Variants in TRHDE observed in about 807,000 individuals in gnomAD.
TRHDE encodes the protein thyrotropin releasing hormone degrading enzyme.
Under a neutral mutation model 125.7 loss-of-function variants are expected in TRHDE, and 72 were observed. The observed-to-expected ratio is 0.57, with a 90% confidence interval of 0.47 to 0.70. The LOEUF is 0.70. Ranked by LOEUF, TRHDE falls within the 30% of genes least tolerant of loss-of-function variation. TRHDE has a pLI of 0.00. For synonymous variants in TRHDE, 509 were observed against 509.1 expected, an observed-to-expected ratio of 1.00 and a Z score of 0.00; for missense variants, 1,110 against 1,327.1, an observed-to-expected ratio of 0.84 and a Z score of 2.54.
At position 72,355,889 on chromosome 12, in the gene TRHDE, A is replaced by T. The variant is rs1401290346; in HGVS notation, c.1189-22106A>T. Among the ~76,000 whole-genome samples the T allele has an allele frequency of 2.0e-5, 3 of 151,956 alleles. No individual in the cohort carries two copies. In the East Asian group the frequency reaches 5.8e-4, roughly 29 times the overall value. ...CCAGCCAGAATAGCTATTACTAAAA[A>T]GTCAGAAAATAACAGATGCTGGTGA... On this transcript the variant is annotated intron_variant, in intron 2 of 18. Coordinates refer to ENST00000261180, the MANE Select transcript of TRHDE (RefSeq NM_013381.3).
At chr12:72,088,393 A>G (rs1039816215) in intron 1 of TRHDE, among the ~76,000 whole-genome samples, 1 of 152,154 alleles carries the variant, frequency 6.6e-6, no homozygotes, top group African/African-American at 2.4e-5. Flanking sequence ...CAAATATTTT[A>G]GCATTAAAGT....
At chr12:72,348,579 C>T (rs1224200329) in intron 2 of TRHDE, among the ~76,000 whole-genome samples, 1 of 151,816 alleles carries the variant, frequency 6.6e-6, no homozygotes, top group African/African-American at 2.4e-5. Flanking sequence ...CTCTGTTTGC[C>T]CTACTCTTCT....
rs1872470273 is a variant in TRHDE at position 72,387,493 on chromosome 12, T to C, written c.1315+9372T>C. On this transcript the variant is annotated intron_variant, in intron 3 of 18. Coordinates refer to ENST00000261180, the MANE Select transcript of TRHDE (RefSeq NM_013381.3). ...CTTGGGGTCAAGAGTTCAACCTAAA[T>C]AAAATTTGAAGTTAAAGAGTTAATT... Among the ~76,000 whole-genome samples the C allele has an allele frequency of 5.3e-5, 8 of 152,174 alleles. No individual in the cohort carries two copies. In the South Asian group the frequency reaches 1.5e-3, roughly 28 times the overall value.
At chr12:72,549,693 G>A (rs1282780356) in intron 7 of TRHDE, among the ~76,000 whole-genome samples, 1 of 151,644 alleles carries the variant, frequency 6.6e-6, no homozygotes, top group East Asian at 1.9e-4. Flanking sequence ...AAATTAATGA[G>A]CATGTTATAG....
chr12:72,208,905 C>A (rs1193089949), intron 2 of TRHDE, among the ~76,000 whole-genome samples: 1 of 152,158 alleles, frequency 6.6e-6, no homozygotes, highest in Non-Finnish European at 1.5e-5. Context: ...TCCCACTCTT[C>A]TTAGAGTCTG....
At chr12:72,342,838 T>C (rs1565705855) in intron 2 of TRHDE, among the ~76,000 whole-genome samples, 1 of 152,158 alleles carries the variant, frequency 6.6e-6, no homozygotes, top group Non-Finnish European at 1.5e-5. Context: ...TCAGCCATTG[T>C]AGCAACTAAG....
intron 2 of TRHDE, among the ~76,000 whole-genome samples, chr12:72,345,758 C>G (rs1870300516): frequency 6.6e-6 from 1 of 151,902 alleles, no homozygotes; most frequent in Non-Finnish European, 1.5e-5. Flanking sequence ...TACTTTATCC[C>G]TTGGGGAGAC....
chr12:72,465,727 T>C (rs912667962), intron 3 of TRHDE, among the ~76,000 whole-genome samples: 1 of 152,236 alleles, frequency 6.6e-6, no homozygotes, highest in African/African-American at 2.4e-5. Flanking sequence ...TCTTAAATTA[T>C]AAACCTATCA....
chr12:72,524,829 C>T (rs572561210), intron 6 of TRHDE, among the ~76,000 whole-genome samples: 5 of 152,192 alleles, frequency 3.3e-5, no homozygotes, highest in East Asian at 1.9e-4. Context: ...GAGGAGGCCC[C>T]GCAACACTTT....
intron 15 of TRHDE, among the ~76,000 whole-genome samples, chr12:72,643,111 C>A (rs1449430877): frequency 6.6e-6 from 1 of 152,118 alleles, no homozygotes; most frequent in African/African-American, 2.4e-5. Context: ...ATTGATTCAT[C>A]TGCTGCATGG....
Position 72,452,033 on chromosome 12 carries a change from C to T in TRHDE, c.1316-17725C>T, listed in dbSNP as rs539486887. 2.2e-3 allele frequency among the ~76,000 whole-genome samples: 342 copies of T among 152,078 alleles called. 3 individuals carry two copies. Among genetic ancestry groups the T allele is most frequent in the African/African-American group, 7.3e-3 (304 of 41,520 alleles). On this transcript the variant is annotated intron_variant, in intron 3 of 18. Transcript: ENST00000261180. ...TAGTAGAGACAGGGTTTCACTATGTCGGCCAGGCTGGTCTCAAACTCCTGG... is the reference window on the plus strand; with the variant it reads ...TAGTAGAGACAGGGTTTCACTATGTTGGCCAGGCTGGTCTCAAACTCCTGG...
At position 72,119,210 on chromosome 12, in the gene TRHDE, G is replaced by A. The variant is rs188121745; in HGVS notation, n.279+13458G>A. On this transcript the variant is annotated intron_variant and non_coding_transcript_variant, in intron 2 of 4. Coordinates refer to the TRHDE transcript ENST00000548156. The stretch of plus-strand genomic sequence containing the variant: ...TTTCCCTCTTAGTACTGCTTTTGCC[G>A]TATCCCATATGTTTTGGTATGTTGT... 1.5e-3 allele frequency among the ~76,000 whole-genome samples: 228 copies of A among 152,134 alleles called. 1 individual carries two copies. The highest frequency in any genetic ancestry group is 4.7e-3 in the African/African-American group (196 of 41,516).
chr12:72,366,316 C>A (rs1264239473), intron 2 of TRHDE, among the ~76,000 whole-genome samples: 2 of 152,026 alleles, frequency 1.3e-5, no homozygotes, highest in African/African-American at 4.8e-5. Context: ...TCCTGGAAGT[C>A]CCTGTAAGTA....
In TRHDE at chr12:72,327,607, C is replaced by T. The variant is rs563777914; in HGVS notation, c.1188+40653C>T. Among the ~76,000 whole-genome samples the T allele has an allele frequency of 1.5e-3, 233 of 152,200 alleles. 1 individual carries two copies. Among genetic ancestry groups the T allele is most frequent in the African/African-American group, 5.4e-3 (223 of 41,534 alleles). On this transcript the variant is annotated intron_variant, in intron 2 of 18. Transcript: ENST00000261180. ...AACAGGGGAAACTGCTCTGAGATCA[C>T]AATTAAGAGAAGTTGTGTATCATTT...
intron 9 of TRHDE, among the ~76,000 whole-genome samples, chr12:72,567,704 T>C (rs1451428672): frequency 1.3e-5 from 2 of 152,076 alleles, no homozygotes; most frequent in Non-Finnish European, 2.9e-5. Context: ...AATTGTTGGC[T>C]ACCCTATTGA....
At chr12:72,389,988 A>G (rs1189962023) in intron 3 of TRHDE, among the ~76,000 whole-genome samples, 1 of 152,152 alleles carries the variant, frequency 6.6e-6, no homozygotes, top group Non-Finnish European at 1.5e-5. Context: ...TAAAAGGAGA[A>G]TCAACAGGAT....
chr12:72,354,575 C>T (rs1870727524), intron 2 of TRHDE, among the ~76,000 whole-genome samples: 2 of 150,838 alleles, frequency 1.3e-5, no homozygotes, highest in African/African-American at 4.9e-5. Flanking sequence ...AACTCAGATC[C>T]CTGCATCTGA....
chr12:72,131,223 C>T (rs531427085), intron 2 of TRHDE, among the ~76,000 whole-genome samples: 3 of 151,884 alleles, frequency 2.0e-5, no homozygotes, highest in South Asian at 2.1e-4. Flanking sequence ...AGGCGCCCGC[C>T]ACCACGCCCG....
intron 5 of TRHDE, among the ~76,000 whole-genome samples, chr12:72,485,491 C>A (rs959203676): frequency 2.0e-5 from 3 of 152,156 alleles, no homozygotes; most frequent in African/African-American, 7.2e-5. Flanking sequence ...CCCCTGGGGA[C>A]CTCAGGCCTC....
Sources: gnomAD v4.1 joint callset for allele counts (sites outside exome capture counted in the v4.1 genomes callset) on GRCh38, gnomAD v4.1.1 for gene constraint, MANE v1.5 for transcripts, NCBI Gene and HGNC (gene_info 2026-07-23, HGNC 2026-07-21) for gene names.